TRAPPC9: variants seen among roughly 807,000 people sequenced by gnomAD.
The protein encoded by TRAPPC9 is IKK2 binding protein.
TRAPPC9 carries 83 observed loss-of-function variants against 124.0 expected under a neutral mutation model. The ratio of observed to expected loss-of-function variants is 0.67; its 90% CI spans 0.56 to 0.80. TRAPPC9 has a LOEUF of 0.80. Among genes scored for constraint, TRAPPC9 ranks in the 30% least tolerant of loss-of-function variants. TRAPPC9 has a pLI of 0.00. For missense variants in TRAPPC9, 1,302 were observed against 1,508.3 expected, an observed-to-expected ratio of 0.86 and a Z score of 2.27; for synonymous variants, 638 against 617.5, an observed-to-expected ratio of 1.03 and a Z score of -0.49.
chr8:140,397,575 A>G (rs2069133577), intron 7 of TRAPPC9, 45 bp downstream of exon 7: 1 of 1,611,386 alleles, frequency 6.2e-7, no homozygotes, highest in Non-Finnish European at 8.5e-7. Flanking sequence ...TCAATTCCGT[A>G]AGAACTGGAT....
intron 8 of TRAPPC9, among the ~76,000 whole-genome samples, chr8:140,367,229 CAAAT>C (rs964141768): frequency 1.3e-5 from 2 of 152,200 alleles, no homozygotes; most frequent in Non-Finnish European, 2.9e-5. Context: ...GATATTTACT[CAAAT>C]GAGCTGAAAA....
At chr8:140,193,503 C>A (rs1052260602) in intron 17 of TRAPPC9, among the ~76,000 whole-genome samples, 4 of 150,816 alleles carry the variant, frequency 2.7e-5, no homozygotes, top group African/African-American at 9.8e-5. Context: ...TATACTAGCA[C>A]AAACTGTCCA....
intron 22 of TRAPPC9, 135 bp downstream of exon 22, chr8:139,731,844 G>A (rs952659173): frequency 2.1e-5 from 17 of 814,172 alleles, no homozygotes; most frequent in Middle Eastern, 3.3e-4. Flanking sequence ...GACTCAGTGT[G>A]CACACGTGAC....
intron 21 of TRAPPC9, among the ~76,000 whole-genome samples, chr8:139,823,374 T>C (rs1275331020): frequency 1.3e-5 from 2 of 151,810 alleles, no homozygotes; most frequent in South Asian, 4.2e-4. Context: ...AAGCAGAGGC[T>C]TGGTGCCCGA....
At chr8:139,796,010 G>A (rs1823038087) in intron 21 of TRAPPC9, among the ~76,000 whole-genome samples, 1 of 151,616 alleles carries the variant, frequency 6.6e-6, no homozygotes, top group Admixed American at 6.6e-5. Context: ...GGAGGAAGAG[G>A]AGGATGAGGA....
chr8:140,066,799 G>A (rs1020076680), intron 17 of TRAPPC9, among the ~76,000 whole-genome samples: 26 of 152,162 alleles, frequency 1.7e-4, no homozygotes, highest in African/African-American at 6.0e-4. Flanking sequence ...CCAAAGGATG[G>A]GCACCCTCAT....
chr8:140,165,474 G>C (rs1031299657), intron 17 of TRAPPC9, among the ~76,000 whole-genome samples: 1 of 151,706 alleles, frequency 6.6e-6, no homozygotes, highest in African/African-American at 2.4e-5. Context: ...GGGAGATGGA[G>C]GTTGCAGTGA....
intron 10 of TRAPPC9, among the ~76,000 whole-genome samples, chr8:140,309,553 C>T (rs1427491612): frequency 6.6e-6 from 1 of 152,174 alleles, no homozygotes; most frequent in Non-Finnish European, 1.5e-5. Context: ...CACCAAACAC[C>T]CAGAATGTTC....
At chr8:140,123,319 G>A (rs1248647931) in intron 17 of TRAPPC9, among the ~76,000 whole-genome samples, 1 of 152,132 alleles carries the variant, frequency 6.6e-6, no homozygotes, top group African/African-American at 2.4e-5. Flanking sequence ...CTCCCAAGTG[G>A]ATCTGTTTTT....
chr8:140,395,458 C>T (rs1017083127), intron 7 of TRAPPC9, among the ~76,000 whole-genome samples: 5 of 152,144 alleles, frequency 3.3e-5, no homozygotes, highest in African/African-American at 7.2e-5. Context: ...AATGCCAACC[C>T]GAGCAGTCTG....
At chr8:139,754,797 A>G (rs1010435766) in intron 21 of TRAPPC9, among the ~76,000 whole-genome samples, 1 of 152,222 alleles carries the variant, frequency 6.6e-6, no homozygotes, top group Non-Finnish European at 1.5e-5. Context: ...GGCTGAAAAC[A>G]GGTCTCCTGC....
At chr8:139,921,317 C>T (rs1832489808) in intron 19 of TRAPPC9, among the ~76,000 whole-genome samples, 1 of 152,194 alleles carries the variant, frequency 6.6e-6, no homozygotes, top group South Asian at 2.1e-4. Flanking sequence ...TTTGGTTCAG[C>T]AGTGTTCAGA....
At chr8:139,889,381 G>A (rs528435521) in intron 20 of TRAPPC9, among the ~76,000 whole-genome samples, 2 of 152,266 alleles carry the variant, frequency 1.3e-5, no homozygotes, top group South Asian at 4.2e-4. Context: ...CCCAGGCACA[G>A]ACAGCCACAG....
chr8:140,332,229 G>A (rs111550744), intron 9 of TRAPPC9, among the ~76,000 whole-genome samples: 1,870 of 152,270 alleles, frequency 0.012, 34 homozygotes, highest in African/African-American at 0.041. Flanking sequence ...AATAAGCCAG[G>A]CACAGAAAGG....
intron 21 of TRAPPC9, among the ~76,000 whole-genome samples, chr8:139,855,959 T>C (rs1198874201): frequency 2.6e-5 from 4 of 152,150 alleles, no homozygotes; most frequent in Non-Finnish European, 5.9e-5. Flanking sequence ...ACAGATAGAA[T>C]TGGGTTCAAA....
At chr8:140,246,454 G>C (rs1226700830) in intron 16 of TRAPPC9, among the ~76,000 whole-genome samples, 1 of 152,156 alleles carries the variant, frequency 6.6e-6, no homozygotes, top group East Asian at 1.9e-4. Context: ...AATAGTTCAT[G>C]ATTTCTTGCT....
At chr8:139,791,275 G>A (rs554615229) in intron 21 of TRAPPC9, among the ~76,000 whole-genome samples, 19 of 151,274 alleles carry the variant, frequency 1.3e-4, no homozygotes, top group Middle Eastern at 3.4e-3. Context: ...ACACACAGGC[G>A]CCCGTCTCCC....
In TRAPPC9 at chr8:139,729,681, G is replaced by A. The variant is rs936208624; in HGVS notation, c.*1380C>T. 3.3e-5 allele frequency among the ~76,000 whole-genome samples: 5 copies of A among 152,180 alleles called. No homozygotes were observed. The highest frequency in any genetic ancestry group is 5.9e-5 in the Non-Finnish European group (4 of 68,044). ...GCCACAGGGTGACCTTGCTCCCAGC[G>A]AGGGAGGTTTGGGCCTGGGACTTCA... On this transcript the variant is annotated 3_prime_UTR_variant, in exon 23 of 23. Coordinates refer to ENST00000438773, the MANE Select transcript of TRAPPC9 (RefSeq NM_001160372.4).
chr8:140,062,218 G>C (rs1353060444), intron 17 of TRAPPC9, among the ~76,000 whole-genome samples: 2 of 152,124 alleles, frequency 1.3e-5, no homozygotes, highest in African/African-American at 2.4e-5. Context: ...CACCTTCCCT[G>C]TACACAGCGG....
Sources: allele counts gnomAD v4.1 joint callset (sites outside exome capture counted in the v4.1 genomes callset), GRCh38; gene constraint gnomAD v4.1.1; transcripts MANE v1.5; gene names NCBI Gene and HGNC (gene_info 2026-07-23, HGNC 2026-07-21).